The following MYO1D variants were observed in gnomAD, a reference collection of about 807,000 sequenced individuals.
The protein encoded by MYO1D is myosin ID, also known as unconventional myosin-Id.
A neutral mutation model predicts 122.0 loss-of-function variants in MYO1D; 83 were observed. That is an observed-to-expected ratio of 0.68 (90% confidence interval 0.57 to 0.82). The LOEUF (loss-of-function observed/expected upper bound fraction) is 0.82, where lower values mean the gene tolerates loss of function less well. Ranked by LOEUF, MYO1D falls within the 40% of genes least tolerant of loss-of-function variation. The pLI is 0.00. For missense variants in MYO1D, 1,157 were observed against 1,269.5 expected, an observed-to-expected ratio of 0.91 and a Z score of 1.35; for synonymous variants, 464 against 446.9, an observed-to-expected ratio of 1.04 and a Z score of -0.48.
At chr17:32,572,722 T>C (rs1014454047) in intron 21 of MYO1D, among the ~76,000 whole-genome samples, 5 of 152,158 alleles carry the variant, frequency 3.3e-5, no homozygotes, top group Non-Finnish European at 7.3e-5. Context: ...TTCACTCTGC[T>C]CCAGCAACAC....
chr17:32,757,277 TAA>T lies in MYO1D; in HGVS notation c.1297-1617_1297-1616del, dbSNP rs372462171. Among the ~76,000 whole-genome samples, 42 of 152,248 alleles carry T rather than the reference TAA, an allele frequency of 2.8e-4. No individual in the cohort carries two copies. The East Asian group carries it at 7.7e-3, about 28-fold the overall frequency. ...TTATACTTTTCTGATCTGTCTAAAC[TAA>T]AGTTTCTCAAATAGGGGAATAGGGG... On this transcript the variant is annotated intron_variant, in intron 10 of 21. Transcript: ENST00000318217.
At chr17:32,800,674 CTAAAGGAGCTATTTGTTTTTG>C (rs1275127051) in intron 1 of MYO1D, among the ~76,000 whole-genome samples, 2 of 152,022 alleles carry the variant, frequency 1.3e-5, no homozygotes, top group Non-Finnish European at 2.9e-5. Flanking sequence ...TGAAAAATAG[CTAAAGGAGCTATTTGTTTTTG>C]TTTTTTTTTG....
chr17:32,841,855 T>C (rs2090886145), intron 1 of MYO1D, among the ~76,000 whole-genome samples: 1 of 152,016 alleles, frequency 6.6e-6, no homozygotes, highest in South Asian at 2.1e-4. Flanking sequence ...GTCTGCAGGG[T>C]ATTTCTCTGG....
At chr17:32,741,664 T>A (rs531481246) in intron 13 of MYO1D, among the ~76,000 whole-genome samples, 1 of 152,316 alleles carries the variant, frequency 6.6e-6, no homozygotes, top group East Asian at 1.9e-4. Context: ...AAGCACGTTT[T>A]CCAACAGGGA....
intron 21 of MYO1D, among the ~76,000 whole-genome samples, chr17:32,555,495 G>C (rs866702373): frequency 6.6e-6 from 1 of 151,942 alleles, no homozygotes; most frequent in Non-Finnish European, 1.5e-5. Context: ...TCTACAAATA[G>C]AGTTACTTTG....
At chr17:32,771,576 T>C (rs1381262730) in intron 5 of MYO1D, among the ~76,000 whole-genome samples, 3 of 152,200 alleles carry the variant, frequency 2.0e-5, no homozygotes, top group East Asian at 3.8e-4. Flanking sequence ...CAGGATATAG[T>C]TCTGTCTCAG....
At chr17:32,807,842 G>C (rs1200311143) in intron 1 of MYO1D, among the ~76,000 whole-genome samples, 1 of 152,146 alleles carries the variant, frequency 6.6e-6, no homozygotes, top group Non-Finnish European at 1.5e-5. Flanking sequence ...GGGGTTGTTT[G>C]TAACTCTAGC....
At chr17:32,696,866 C>T (rs1249581865) in intron 16 of MYO1D, among the ~76,000 whole-genome samples, 1 of 152,170 alleles carries the variant, frequency 6.6e-6, no homozygotes, top group Non-Finnish European at 1.5e-5. Context: ...CCATTTTACC[C>T]ACTAGCTTTA....
At position 32,617,454 on chromosome 17, in the gene MYO1D, C is replaced by T. The variant is rs370640527; in HGVS notation, c.2710-12213G>A. 3.6e-4 allele frequency among the ~76,000 whole-genome samples: 54 copies of T among 152,098 alleles called. 1 individual carries two copies. The highest frequency in any genetic ancestry group is 1.1e-3 in the African/African-American group (44 of 41,498). ...ACCTGCTTTGCTCTTTTTTTTGAGA[C>T]GGAGTTTCGCTGTTGTCTGTTGTTG... On this transcript the variant is annotated intron_variant, in intron 20 of 21. Transcript: ENST00000318217.
At chr17:32,748,203 T>C (rs776059103) in intron 12 of MYO1D, among the ~76,000 whole-genome samples, 3 of 152,248 alleles carry the variant, frequency 2.0e-5, no homozygotes, top group Non-Finnish European at 4.4e-5. Flanking sequence ...AAAATACGGC[T>C]AGTAAGAGTT....
rs1409823983 is a variant in MYO1D at position 32,625,057 on chromosome 17, T to C, written c.2709+13665A>G. On this transcript the variant is annotated intron_variant, in intron 20 of 21. Transcript: ENST00000318217. Reference sequence around the variant, plus strand: ...CTGCCTGCCTTGACCTCCCAAAATGTTGGGATTACAGGCGTGAGCCACTGT... The same window carrying C: ...CTGCCTGCCTTGACCTCCCAAAATGCTGGGATTACAGGCGTGAGCCACTGT... Among the ~76,000 whole-genome samples, 3 of 152,274 alleles carry C rather than the reference T, an allele frequency of 2.0e-5. No homozygotes were observed. In the East Asian group the frequency reaches 5.8e-4, roughly 29 times the overall value.
chr17:32,723,452 C>G (rs1351715925), intron 14 of MYO1D, among the ~76,000 whole-genome samples: 5 of 152,128 alleles, frequency 3.3e-5, no homozygotes, highest in Non-Finnish European at 5.9e-5. Flanking sequence ...TACACCTGCC[C>G]TTTTTCATCT....
At chr17:32,688,083 C>T (rs1373406463) in intron 16 of MYO1D, among the ~76,000 whole-genome samples, 1 of 152,184 alleles carries the variant, frequency 6.6e-6, no homozygotes, top group Non-Finnish European at 1.5e-5. Context: ...TTGAGAGGTT[C>T]TCTGCCCCGC....
At chr17:32,751,007 A>G (rs2089893010) in intron 11 of MYO1D, among the ~76,000 whole-genome samples, 1 of 152,200 alleles carries the variant, frequency 6.6e-6, no homozygotes. Context: ...CACTAATGGA[A>G]CATTCTTACA....
intron 21 of MYO1D, among the ~76,000 whole-genome samples, chr17:32,520,331 G>C (rs1356335515): frequency 6.6e-6 from 1 of 152,164 alleles, no homozygotes; most frequent in Non-Finnish European, 1.5e-5. Flanking sequence ...TCAGCCTCCG[G>C]AAAGCAATAG....
rs529557235 is a variant in MYO1D at position 32,582,094 on chromosome 17, T to A, written c.2864+22993A>T. ...GCTGGCTGATTTTTTTGTAATTTTTTAGTAGAGATAGGGTTTTACCACGTT... is the reference window on the plus strand; with the variant it reads ...GCTGGCTGATTTTTTTGTAATTTTTAAGTAGAGATAGGGTTTTACCACGTT... On this transcript the variant is annotated intron_variant, in intron 21 of 21. Transcript: ENST00000318217. Among the ~76,000 whole-genome samples, 36 of 151,994 alleles carry A rather than the reference T, an allele frequency of 2.4e-4. No individual in the cohort carries two copies. In the South Asian group the frequency reaches 6.9e-3, roughly 29 times the overall value.
At chr17:32,567,569 A>G (rs889593853) in intron 21 of MYO1D, among the ~76,000 whole-genome samples, 2 of 152,212 alleles carry the variant, frequency 1.3e-5, no homozygotes, top group African/African-American at 2.4e-5. Context: ...ACACAGACCA[A>G]TCTCACTCCA....
rs1187486923 is a variant in MYO1D at position 32,657,991 on chromosome 17, GA to G, written c.2345+1123del. ...ATAATCTTATCTGTGTAAAAAAGGG[GA>G]AAAAAATGCTCAAATCATATGTGAC... On this transcript the variant is annotated intron_variant, in intron 17 of 21. Coordinates refer to ENST00000318217, the MANE Select transcript of MYO1D (RefSeq NM_015194.3). Among the ~76,000 whole-genome samples the G allele has an allele frequency of 5.9e-5, 9 of 152,024 alleles. No individual in the cohort carries two copies. The South Asian group carries it at 8.3e-4, about 14-fold the overall frequency.
chr17:32,547,637 T>C (rs1483155884), intron 21 of MYO1D, among the ~76,000 whole-genome samples: 1 of 152,196 alleles, frequency 6.6e-6, no homozygotes, highest in African/African-American at 2.4e-5. Context: ...AGCCTGAGTA[T>C]TTCCAGTGAT....
Sources: gnomAD v4.1 joint callset for allele counts (sites outside exome capture counted in the v4.1 genomes callset) on GRCh38, gnomAD v4.1.1 for gene constraint, MANE v1.5 for transcripts, NCBI Gene and HGNC (gene_info 2026-07-23, HGNC 2026-07-21) for gene names.